APPL2: variants seen among roughly 807,000 people sequenced by gnomAD.
APPL2 encodes the protein DCC-interacting protein 13-beta.
In APPL2, 84 loss-of-function variants were observed where a neutral mutation model predicts 92.7. That is an observed-to-expected ratio of 0.91 (90% confidence interval 0.76 to 1.09). APPL2 has a LOEUF of 1.09. APPL2 is among the 50% of genes least tolerant of loss of function. The pLI, the probability that APPL2 is intolerant of heterozygous loss-of-function variation, is 0.00. For missense variants in APPL2, 736 were observed against 824.5 expected (o/e 0.89, Z 1.31); for synonymous variants, 291 against 291.0 (o/e 1.00, Z 0.00).
intron 11 of APPL2, among the ~76,000 whole-genome samples, chr12:105,195,885 T>C (rs1182637333): frequency 6.6e-6 from 1 of 151,896 alleles, no homozygotes; most frequent in African/African-American, 2.4e-5. Flanking sequence ...TGAAACCCCC[T>C]CTCTACAAAA....
chr12:105,177,142 A>G (rs1566045334), intron 18 of APPL2, 84 bp downstream of exon 18: 11 of 1,597,770 alleles, frequency 6.9e-6, no homozygotes, highest in Non-Finnish European at 9.4e-6. Flanking sequence ...ATCTTTATTA[A>G]TAAAGTGCCT....
chr12:105,199,855 G>A (rs1212253433), intron 9 of APPL2, among the ~76,000 whole-genome samples: 1 of 151,372 alleles, frequency 6.6e-6, no homozygotes, highest in Non-Finnish European at 1.5e-5. Context: ...ATCTCGCTCT[G>A]TCGCCCAGGC....
chr12:105,188,460 A>C lies in APPL2; in HGVS notation c.1460-13T>G. Reference sequence around the variant, plus strand: ...TGCAAAAGAGAATCTGGAAGACAGCATTTTCCACTCAGGATCTCATTTACT... The same window carrying C: ...TGCAAAAGAGAATCTGGAAGACAGCCTTTTCCACTCAGGATCTCATTTACT... On this transcript the variant is annotated splice_polypyrimidine_tract_variant and intron_variant, in intron 16 of 20. Coordinates refer to ENST00000258530, the MANE Select transcript of APPL2 (RefSeq NM_018171.5). 1 of 1,613,556 alleles carries C rather than the reference A, an allele frequency of 6.2e-7. No individual in the cohort carries two copies. Among genetic ancestry groups the C allele is most frequent in the African/African-American group, 1.3e-5 (1 of 75,058 alleles).
intron 9 of APPL2, chr12:105,203,389 C>T (rs1888395757): frequency 3.2e-6 from 1 of 315,134 alleles, no homozygotes; most frequent in Non-Finnish European, 5.8e-6. Context: ...CTTCCATCTG[C>T]TACTGCCACG....
At position 105,199,359 on chromosome 12, in the gene APPL2, G is replaced by A. The variant is rs746324297; in HGVS notation, c.863+14C>T. The stretch of plus-strand genomic sequence containing the variant: ...ACGGATTTCAGAAAAAGAGGCAGAC[G>A]GTGGCGTTCTCACTTTCTAAGATTA... On this transcript the variant is annotated intron_variant, in intron 10 of 20. Transcript: ENST00000258530. The A allele has an allele frequency of 1.6e-5, 26 of 1,603,148 alleles. No individual in the cohort carries two copies. The South Asian group carries it at 2.0e-4, about 12-fold the overall frequency.
intron 2 of APPL2, among the ~76,000 whole-genome samples, chr12:105,220,059 A>T (rs1259424230): frequency 6.6e-6 from 1 of 152,250 alleles, no homozygotes; most frequent in East Asian, 1.9e-4. Flanking sequence ...TTATAGATGA[A>T]GAAACTGAAG....
intron 5 of APPL2, among the ~76,000 whole-genome samples, chr12:105,208,659 T>C (rs992094587): frequency 1.3e-5 from 2 of 152,192 alleles, no homozygotes; most frequent in Non-Finnish European, 2.9e-5. Context: ...GACAAAGGAA[T>C]ACGCGGTGCT....
rs1422458888 is a variant in APPL2, at chr12:105,188,547, A to T, written c.1460-100T>A. 5.3e-6 allele frequency: 7 copies of T among 1,314,432 alleles called. No individual in the cohort carries two copies. In the East Asian group the frequency reaches 1.0e-4, roughly 19 times the overall value. 81.4% of individuals were successfully genotyped at this position (1,314,432 alleles called of 1,614,324 possible). A position where few individuals can be genotyped will look rare whatever the true frequency, so the allele number is the denominator to read the frequency against. The stretch of plus-strand genomic sequence containing the variant: ...TGCTAGTTTTGCCTGCTTTCTGTGG[A>T]GGACTTTCTACCAAAATTTCTCAAT... On this transcript the variant is annotated intron_variant, in intron 16 of 20. Transcript: ENST00000258530.
intron 5 of APPL2, among the ~76,000 whole-genome samples, chr12:105,210,410 C>T (rs758774534): frequency 5.9e-5 from 9 of 152,044 alleles, no homozygotes; most frequent in Non-Finnish European, 8.8e-5. Context: ...TTTTTTGGGG[C>T]CAGCAACTTG....
intron 17 of APPL2, among the ~76,000 whole-genome samples, chr12:105,181,220 T>C (rs919391822): frequency 3.9e-5 from 6 of 152,218 alleles, no homozygotes; most frequent in African/African-American, 1.2e-4. Flanking sequence ...GAGATAATCA[T>C]GTGGTTTTTG....
At chr12:105,223,853 A>G (rs1031672365) in intron 2 of APPL2, among the ~76,000 whole-genome samples, 1 of 152,180 alleles carries the variant, frequency 6.6e-6, no homozygotes, top group African/African-American at 2.4e-5. Flanking sequence ...AGGTATTAAC[A>G]TGATTAACTC....
intron 4 of APPL2, among the ~76,000 whole-genome samples, chr12:105,215,436 T>C (rs1020411881): frequency 1.1e-4 from 17 of 152,158 alleles, no homozygotes; most frequent in Admixed American, 3.9e-4. Flanking sequence ...TACTGTTTAG[T>C]AGGGTAGAGG....
chr12:105,218,741 T>A (rs770783121), intron 2 of APPL2, among the ~76,000 whole-genome samples: 11 of 152,106 alleles, frequency 7.2e-5, no homozygotes, highest in Non-Finnish European at 1.3e-4. Context: ...TATGACAAGG[T>A]CAGATTCCAC....
At position 105,203,802 on chromosome 12, in the gene APPL2, T is replaced by C; in HGVS notation, c.622-17A>G. 6.3e-7 allele frequency: 1 copy of C among 1,599,086 alleles called. No homozygotes were observed. Among genetic ancestry groups the C allele is most frequent in the South Asian group, 1.1e-5 (1 of 90,766 alleles). ...AAAGTTAATCTGAAAGATATAATTA[T>C]AATATTCTGAAAATCATCCAGGGAA... On this transcript the variant is annotated splice_polypyrimidine_tract_variant and intron_variant, in intron 8 of 20. Transcript: ENST00000258530.
chr12:105,213,196 C>T (rs985725358), intron 4 of APPL2, among the ~76,000 whole-genome samples: 2 of 152,156 alleles, frequency 1.3e-5, no homozygotes, highest in Admixed American at 1.3e-4. Flanking sequence ...AATGGTTATG[C>T]ACTACAGAAA....
intron 14 of APPL2, among the ~76,000 whole-genome samples, chr12:105,192,372 TG>T (rs1378263871): frequency 2.0e-5 from 3 of 152,014 alleles, no homozygotes; most frequent in Non-Finnish European, 4.4e-5. Context: ...AAATGGAGAG[TG>T]GGTATCTCTG....
intron 1 of APPL2, among the ~76,000 whole-genome samples, chr12:105,235,643 T>C (rs969287027): frequency 5.3e-5 from 8 of 152,224 alleles, no homozygotes; most frequent in Admixed American, 5.2e-4. Flanking sequence ...GTGGTTTTCC[T>C]GAGGCACTCA....
At position 105,195,617 on chromosome 12, in the gene APPL2, G is replaced by A; in HGVS notation, c.1063C>T (p.Leu355Phe). Reference sequence around the variant, plus strand: ...TTTTCCTTTCTGCTCTCAGCCTGGAGGATTATTCCCCTGAAACAAAAGTGT... The same window carrying A: ...TTTTCCTTTCTGCTCTCAGCCTGGAAGATTATTCCCCTGAAACAAAAGTGT... ...TTPNGKSGII[L>F]QAESRKENEE... The change falls in exon 12 of 21, where the codon CTC (leucine) becomes TTC (phenylalanine). Residue 355 changes from leucine to phenylalanine, a missense_variant. Leu to Phe is a conservative substitution (Grantham distance 22). Coordinates refer to ENST00000258530, the MANE Select transcript of APPL2 (RefSeq NM_018171.5). The A allele has an allele frequency of 6.2e-7, 1 of 1,614,172 alleles. No individual in the cohort carries two copies. The highest frequency in any genetic ancestry group is 8.5e-7 in the Non-Finnish European group (1 of 1,180,022).
chr12:105,177,318 A>G (rs1271888637), intron 17 of APPL2, 56 bp from the exon 18 acceptor site: 2 of 1,550,812 alleles, frequency 1.3e-6, no homozygotes, highest in African/African-American at 1.4e-5. Context: ...TAATATTCCT[A>G]GAAGAGTTTG....
Sources: allele counts gnomAD v4.1 joint callset (sites outside exome capture counted in the v4.1 genomes callset), GRCh38; gene constraint gnomAD v4.1.1; transcripts MANE v1.5; gene names NCBI Gene and HGNC (gene_info 2026-07-23, HGNC 2026-07-21).